HSD17B12: variants seen among roughly 807,000 people sequenced by gnomAD.
HSD17B12 encodes very-long-chain 3-oxoacyl-CoA reductase.
A neutral mutation model predicts 39.3 loss-of-function variants in HSD17B12; 32 were observed. The observed-to-expected ratio is 0.81, with a 90% CI of 0.61 to 1.09. The LOEUF is 1.09. Ranked by LOEUF, HSD17B12 falls within the 50% of genes least tolerant of loss-of-function variation. The pLI is 0.00. For synonymous variants in HSD17B12, 150 were observed against 146.7 expected, an observed-to-expected ratio of 1.02 and a Z score of -0.16; for missense variants, 342 against 382.9, an observed-to-expected ratio of 0.89 and a Z score of 0.89.
At chr11:43,770,135 T>G (rs1950635028) in intron 3 of HSD17B12, among the ~76,000 whole-genome samples, 1 of 152,222 alleles carries the variant, frequency 6.6e-6, no homozygotes, top group African/African-American at 2.4e-5. Flanking sequence ...ATAGCATTCC[T>G]CTCCATCTGA....
At chr11:43,702,677 G>A (rs1012856005) in intron 1 of HSD17B12, among the ~76,000 whole-genome samples, 1 of 152,092 alleles carries the variant, frequency 6.6e-6, no homozygotes, top group Non-Finnish European at 1.5e-5. Flanking sequence ...ATCCCACTTG[G>A]TCACGGTGGA....
At chr11:43,596,222 A>G in the HSD17B12 span, among the ~76,000 whole-genome samples, 1 of 152,108 alleles carries the variant, frequency 6.6e-6, no homozygotes. Context: ...AGGAAAACTG[A>G]GGCAGCATGA....
chr11:43,818,278 A>C (rs1158071379), intron 6 of HSD17B12, among the ~76,000 whole-genome samples: 1 of 152,162 alleles, frequency 6.6e-6, no homozygotes, highest in Non-Finnish European at 1.5e-5. Flanking sequence ...TGTGATTTTT[A>C]ATAGTTACTC....
At chr11:43,620,336 G>T in the HSD17B12 span, among the ~76,000 whole-genome samples, 1 of 152,162 alleles carries the variant, frequency 6.6e-6, no homozygotes, top group South Asian at 2.1e-4. Context: ...TATAAAGTAT[G>T]CTCAGTGTTA....
At chr11:43,609,109 T>C in the HSD17B12 span, among the ~76,000 whole-genome samples, 1 of 151,358 alleles carries the variant, frequency 6.6e-6, no homozygotes, top group Non-Finnish European at 1.5e-5. Context: ...TTTTTTTGTA[T>C]GTGTGTTTTT....
the HSD17B12 span, among the ~76,000 whole-genome samples, chr11:43,667,239 C>T: frequency 6.6e-6 from 1 of 152,230 alleles, no homozygotes; most frequent in Non-Finnish European, 1.5e-5. Context: ...GCAACCTCCG[C>T]CTCCCAGGTT....
chr11:43,761,324 G>T (rs1950553286), intron 3 of HSD17B12, among the ~76,000 whole-genome samples: 1 of 152,142 alleles, frequency 6.6e-6, no homozygotes, highest in Non-Finnish European at 1.5e-5. Flanking sequence ...CTCAATAAAG[G>T]CATGTTGTAG....
chr11:43,657,046 G>C, the HSD17B12 span, among the ~76,000 whole-genome samples: 2 of 152,120 alleles, frequency 1.3e-5, no homozygotes, highest in Non-Finnish European at 2.9e-5. Flanking sequence ...AAGTCTCTTT[G>C]TAGGTCACTA....
the HSD17B12 span, among the ~76,000 whole-genome samples, chr11:43,557,558 G>A: frequency 2.4e-4 from 36 of 152,262 alleles, 1 homozygote; most frequent in East Asian, 6.6e-3. Context: ...AACCTTATTC[G>A]TGGGTAAAAT....
chr11:43,659,132 T>C, the HSD17B12 span, among the ~76,000 whole-genome samples: 1 of 152,230 alleles, frequency 6.6e-6, no homozygotes, highest in Non-Finnish European at 1.5e-5. Flanking sequence ...CCTTGCAGTT[T>C]GATCTCAGAC....
the HSD17B12 span, among the ~76,000 whole-genome samples, chr11:43,598,698 AC>A: frequency 6.6e-6 from 1 of 152,064 alleles, no homozygotes; most frequent in Non-Finnish European, 1.5e-5. Context: ...GCCTTCTGAA[AC>A]TTTTCTCATT....
chr11:43,648,781 GCA>G, the HSD17B12 span, among the ~76,000 whole-genome samples: 7 of 152,232 alleles, frequency 4.6e-5, no homozygotes, highest in South Asian at 1.2e-3. Flanking sequence ...AGGCTGGAGT[GCA>G]GTGGTGTGAT....
At chr11:43,769,393 A>G (rs1950628463) in intron 3 of HSD17B12, among the ~76,000 whole-genome samples, 1 of 152,256 alleles carries the variant, frequency 6.6e-6, no homozygotes, top group Non-Finnish European at 1.5e-5. Context: ...TCCTGAAAAT[A>G]TAATGAAATA....
chr11:43,778,853 C>T (rs1423057298), intron 3 of HSD17B12, among the ~76,000 whole-genome samples: 1 of 152,158 alleles, frequency 6.6e-6, no homozygotes, highest in Non-Finnish European at 1.5e-5. Flanking sequence ...TACAAGTATA[C>T]ATACCATGAA....
At chr11:43,836,820 TC>T (rs1384029556) in intron 7 of HSD17B12, among the ~76,000 whole-genome samples, 5 of 152,180 alleles carry the variant, frequency 3.3e-5, no homozygotes, top group Non-Finnish European at 7.4e-5. Flanking sequence ...GGGTTCTAAC[TC>T]CTGATACAAA....
At chr11:43,722,522 GC>G (rs1950184960) in intron 1 of HSD17B12, among the ~76,000 whole-genome samples, 1 of 152,114 alleles carries the variant, frequency 6.6e-6, no homozygotes, top group Non-Finnish European at 1.5e-5. Flanking sequence ...GACCAGCCTG[GC>G]CAACATAGTG....
intron 1 of HSD17B12, among the ~76,000 whole-genome samples, chr11:43,719,703 A>G (rs1950159077): frequency 6.6e-6 from 1 of 151,568 alleles, no homozygotes; most frequent in Non-Finnish European, 1.5e-5. Context: ...TTGTTTTGTA[A>G]GACTATTAGC....
the HSD17B12 span, among the ~76,000 whole-genome samples, chr11:43,630,445 C>T: frequency 2.0e-5 from 3 of 152,120 alleles, no homozygotes; most frequent in Non-Finnish European, 4.4e-5. Flanking sequence ...CAGATTAATG[C>T]CCTACATTCT....
At chr11:43,613,814 C>T in the HSD17B12 span, among the ~76,000 whole-genome samples, 1 of 151,830 alleles carries the variant, frequency 6.6e-6, no homozygotes, top group Admixed American at 6.6e-5. Flanking sequence ...TTACAGGTGC[C>T]CACCACTACG....
Sources: gnomAD v4.1 joint callset for allele counts (sites outside exome capture counted in the v4.1 genomes callset) on GRCh38, gnomAD v4.1.1 for gene constraint, MANE v1.5 for transcripts, NCBI Gene and HGNC (gene_info 2026-07-23, HGNC 2026-07-21) for gene names.